Variants in NXPH1 observed in about 807,000 individuals in gnomAD.
NXPH1 encodes the protein neurexophilin 1.
A neutral mutation model predicts 23.7 loss-of-function variants in NXPH1; 5 were observed. That is an observed-to-expected ratio of 0.21 (90% CI 0.11 to 0.44). NXPH1 has a LOEUF of 0.44. Among genes scored for constraint, NXPH1 ranks in the 20% least tolerant of loss-of-function variants. NXPH1 has a pLI of 0.99. For synonymous variants in NXPH1, 144 were observed against 122.2 expected (o/e 1.18, Z -1.18); for missense variants, 324 against 321.6 (o/e 1.01, Z -0.06).
intron 2 of NXPH1, among the ~76,000 whole-genome samples, chr7:8,440,957 G>A (rs978033782): frequency 3.9e-5 from 6 of 152,282 alleles, no homozygotes; most frequent in Non-Finnish European, 8.8e-5. Flanking sequence ...CTCTTCTTGC[G>A]CTCCTGTAAA....
At chr7:8,710,314 TC>T (rs1220263868) in intron 2 of NXPH1, among the ~76,000 whole-genome samples, 2 of 152,200 alleles carry the variant, frequency 1.3e-5, no homozygotes, top group Non-Finnish European at 2.9e-5. Context: ...TTAAAATGTC[TC>T]CAGGCAGCTG....
intron 2 of NXPH1, among the ~76,000 whole-genome samples, chr7:8,493,118 T>C (rs1180564222): frequency 6.6e-6 from 1 of 151,866 alleles, no homozygotes; most frequent in Admixed American, 6.6e-5. Context: ...GCAGGGTAAA[T>C]TTGTGATTAA....
chr7:8,580,316 C>G (rs991273543), intron 2 of NXPH1, among the ~76,000 whole-genome samples: 2 of 152,156 alleles, frequency 1.3e-5, no homozygotes, highest in African/African-American at 4.8e-5. Context: ...CTTCCACTGC[C>G]TATGACACCT....
At chr7:8,516,969 G>C (rs1400998303) in intron 2 of NXPH1, among the ~76,000 whole-genome samples, 1 of 152,048 alleles carries the variant, frequency 6.6e-6, no homozygotes, top group African/African-American at 2.4e-5. Flanking sequence ...AATTAGATAG[G>C]ATTCATCATT....
At chr7:8,590,976 G>C (rs1819082284) in intron 2 of NXPH1, among the ~76,000 whole-genome samples, 1 of 152,022 alleles carries the variant, frequency 6.6e-6, no homozygotes, top group Non-Finnish European at 1.5e-5. Context: ...TTGCTTCTGT[G>C]TACACAATAG....
intron 2 of NXPH1, among the ~76,000 whole-genome samples, chr7:8,645,304 A>G (rs1820379691): frequency 6.6e-6 from 1 of 152,118 alleles, no homozygotes; most frequent in Non-Finnish European, 1.5e-5. Context: ...AAAGTTTTCA[A>G]GGCTCCTCTC....
intron 2 of NXPH1, among the ~76,000 whole-genome samples, chr7:8,593,627 A>G (rs898700473): frequency 2.0e-5 from 3 of 152,074 alleles, no homozygotes; most frequent in Non-Finnish European, 4.4e-5. Context: ...ATAAATAGAA[A>G]AAGCTTGAAG....
intron 2 of NXPH1, among the ~76,000 whole-genome samples, chr7:8,587,268 C>T (rs892833664): frequency 2.0e-5 from 3 of 150,582 alleles, no homozygotes; most frequent in Non-Finnish European, 4.4e-5. Flanking sequence ...CACAGTGCTG[C>T]ATTTATTCAA....
chr7:8,690,609 A>C (rs1365738910), intron 2 of NXPH1, among the ~76,000 whole-genome samples: 1 of 152,260 alleles, frequency 6.6e-6, no homozygotes, highest in Non-Finnish European at 1.5e-5. Context: ...TATTTTATTT[A>C]AGTGAAGAAA....
chr7:8,588,269 A>C (rs769246029), intron 2 of NXPH1, among the ~76,000 whole-genome samples: 5 of 152,190 alleles, frequency 3.3e-5, no homozygotes, highest in Non-Finnish European at 7.4e-5. Flanking sequence ...AAGGGTTACA[A>C]ATCATTCTAC....
At chr7:8,487,685 T>C (rs1342666104) in intron 2 of NXPH1, among the ~76,000 whole-genome samples, 1 of 152,144 alleles carries the variant, frequency 6.6e-6, no homozygotes, top group Non-Finnish European at 1.5e-5. Context: ...CTTCATTCAC[T>C]AGCTTGCTCT....
At chr7:8,523,516 C>G (rs1257829959) in intron 2 of NXPH1, among the ~76,000 whole-genome samples, 1 of 152,186 alleles carries the variant, frequency 6.6e-6, no homozygotes, top group Non-Finnish European at 1.5e-5. Flanking sequence ...CCAAGGAACA[C>G]TAATTCTCTG....
At chr7:8,642,913 G>T (rs779809461) in intron 2 of NXPH1, among the ~76,000 whole-genome samples, 1 of 151,696 alleles carries the variant, frequency 6.6e-6, no homozygotes, top group Non-Finnish European at 1.5e-5. Flanking sequence ...TGCCCAGGCT[G>T]GAGTACAGTG....
At chr7:8,697,480 A>C (rs141416147) in intron 2 of NXPH1, among the ~76,000 whole-genome samples, 148 of 152,294 alleles carry the variant, frequency 9.7e-4, no homozygotes, top group African/African-American at 2.7e-3. Context: ...TTTTAGAAGT[A>C]GACAGAAGAC....
chr7:8,462,450 T>C (rs1462740350), intron 2 of NXPH1, among the ~76,000 whole-genome samples: 1 of 152,210 alleles, frequency 6.6e-6, no homozygotes, highest in African/African-American at 2.4e-5. Flanking sequence ...TCCCTGGTAA[T>C]AGGTTCTGCT....
At chr7:8,579,715 T>A (rs1818829526) in intron 2 of NXPH1, among the ~76,000 whole-genome samples, 1 of 152,226 alleles carries the variant, frequency 6.6e-6, no homozygotes, top group African/African-American at 2.4e-5. Flanking sequence ...GTAATTTGTT[T>A]TATCCACTTG....
chr7:8,499,089 G>A (rs1463573052), intron 2 of NXPH1, among the ~76,000 whole-genome samples: 1 of 152,106 alleles, frequency 6.6e-6, no homozygotes, highest in Admixed American at 6.5e-5. Context: ...CACTACAGGT[G>A]CCTGGGTGAT....
chr7:8,578,218 C>A (rs796621145), intron 2 of NXPH1, among the ~76,000 whole-genome samples: 21 of 152,296 alleles, frequency 1.4e-4, no homozygotes, highest in African/African-American at 5.1e-4. Flanking sequence ...TTACAAAGGG[C>A]TTTCATCCTG....
chr7:8,662,775 G>A (rs1583219734), intron 2 of NXPH1, among the ~76,000 whole-genome samples: 2 of 151,984 alleles, frequency 1.3e-5, no homozygotes, highest in Non-Finnish European at 2.9e-5. Context: ...ATTCAATGTT[G>A]CAGTGATATC....
Sources: allele counts gnomAD v4.1 joint callset (sites outside exome capture counted in the v4.1 genomes callset), GRCh38; gene constraint gnomAD v4.1.1; transcripts MANE v1.5; gene names NCBI Gene and HGNC (gene_info 2026-07-23, HGNC 2026-07-21).